The following CSMD1 variants were observed in gnomAD, a reference collection of about 807,000 sequenced individuals.
CSMD1 encodes the protein CUB and sushi domain-containing protein 1.
In CSMD1, 213 loss-of-function variants were observed where a neutral mutation model predicts 417.5. That is an observed-to-expected ratio of 0.51 (90% CI 0.46 to 0.57). The LOEUF (loss-of-function observed/expected upper bound fraction) is 0.57. Ranked by LOEUF, CSMD1 falls within the 20% of genes least tolerant of loss-of-function variation. The pLI, the probability that CSMD1 is intolerant of heterozygous loss-of-function variation, is 0.00. For missense variants in CSMD1, 6,923 were observed against 4,529.7 expected (o/e 1.53, Z -15.17); for synonymous variants, 2,862 against 1,736.8 (o/e 1.65, Z -16.11).
chr8:3,962,394 C>T (rs536147714), intron 5 of CSMD1, among the ~76,000 whole-genome samples: 11 of 152,284 alleles, frequency 7.2e-5, no homozygotes, highest in African/African-American at 1.9e-4. Context: ...GTTGTCACCA[C>T]GCAGTCCTGA....
chr8:4,387,550 G>C (rs1329936062), intron 3 of CSMD1, among the ~76,000 whole-genome samples: 3 of 40,318 alleles, frequency 7.4e-5, no homozygotes, highest in Non-Finnish European at 1.7e-4. Flanking sequence ...ACGCAGAAGA[G>C]ATGCATAAAT....
chr8:4,702,111 A>T (rs1392304308), intron 1 of CSMD1, among the ~76,000 whole-genome samples: 2 of 152,152 alleles, frequency 1.3e-5, no homozygotes, highest in Non-Finnish European at 2.9e-5. Context: ...CCTGTCAGGG[A>T]TGAGGTGGGC....
intron 21 of CSMD1, among the ~76,000 whole-genome samples, chr8:3,350,661 G>A (rs993031053): frequency 2.0e-5 from 3 of 152,044 alleles, no homozygotes; most frequent in South Asian, 2.1e-4. Context: ...ATAGGTCACC[G>A]ATTAATTGCA....
At chr8:3,959,224 G>C (rs930615751) in intron 5 of CSMD1, among the ~76,000 whole-genome samples, 1 of 152,234 alleles carries the variant, frequency 6.6e-6, no homozygotes, top group South Asian at 2.1e-4. Flanking sequence ...TCTAGACAGA[G>C]CAGGGTGGGA....
intron 3 of CSMD1, among the ~76,000 whole-genome samples, chr8:4,395,987 T>G (rs2128926149): frequency 6.6e-6 from 1 of 152,326 alleles, no homozygotes; most frequent in East Asian, 1.9e-4. Flanking sequence ...TTCTGTTACT[T>G]TTAAAAATGG....
chr8:3,978,908 G>T lies in CSMD1; in HGVS notation c.818+18995C>A, dbSNP rs150141358. 7.9e-5 allele frequency among the ~76,000 whole-genome samples: 12 copies of T among 152,282 alleles called. No individual in the cohort carries two copies. The East Asian group carries it at 2.3e-3, about 29-fold the overall frequency. On this transcript the variant is annotated intron_variant, in intron 5 of 69. Transcript: ENST00000635120. ...AATATGGGAACAGTGAGAAGACAAG[G>T]AATTAGCGTCCTAATGTGCATTTCA...
rs140423934 is a variant in CSMD1 at position 3,682,767 on chromosome 8, C to G, written c.1009+25647G>C. ...CGTATGTTTATTGCGGCACTATTCA[C>G]AATAGCAAAGACTTGGATCCAACCT... is the stretch of plus-strand genomic sequence containing the variant. On this transcript the variant is annotated intron_variant, in intron 7 of 69. Coordinates refer to ENST00000635120, the MANE Select transcript of CSMD1 (RefSeq NM_033225.6). Among the ~76,000 whole-genome samples the G allele has an allele frequency of 2.2e-4, 34 of 152,276 alleles. No homozygotes were observed. In the East Asian group the frequency reaches 5.0e-3, roughly 22 times the overall value.
intron 4 of CSMD1, among the ~76,000 whole-genome samples, chr8:4,030,302 A>G (rs918662259): frequency 3.9e-5 from 6 of 152,196 alleles, no homozygotes; most frequent in African/African-American, 1.4e-4. Context: ...CGCCACCCAT[A>G]GCAAACTTCT....
At chr8:3,699,700 C>A (rs1266530890) in intron 7 of CSMD1, among the ~76,000 whole-genome samples, 3 of 152,210 alleles carry the variant, frequency 2.0e-5, no homozygotes, top group Non-Finnish European at 4.4e-5. Flanking sequence ...ACTATAATTT[C>A]CCCTGGAGAA....
At chr8:4,416,578 A>G (rs1438228526) in intron 3 of CSMD1, among the ~76,000 whole-genome samples, 1 of 152,106 alleles carries the variant, frequency 6.6e-6, no homozygotes, top group Non-Finnish European at 1.5e-5. Flanking sequence ...GTTTTTACTA[A>G]TAAGGGCAAC....
At chr8:3,938,465 G>C (rs1810652560) in intron 5 of CSMD1, among the ~76,000 whole-genome samples, 1 of 152,178 alleles carries the variant, frequency 6.6e-6, no homozygotes. Context: ...CTGTGGTGGG[G>C]ATAAGTAAAT....
At chr8:3,310,941 G>C (rs927442633) in intron 23 of CSMD1, among the ~76,000 whole-genome samples, 2 of 152,196 alleles carry the variant, frequency 1.3e-5, no homozygotes, top group Admixed American at 6.5e-5. Flanking sequence ...TCTAAACTGA[G>C]CTTTGAAACA....
chr8:3,812,107 T>C (rs1483300253), intron 5 of CSMD1, among the ~76,000 whole-genome samples: 1 of 152,176 alleles, frequency 6.6e-6, no homozygotes. Context: ...TACACAATAA[T>C]TTCCTTAAAC....
intron 4 of CSMD1, among the ~76,000 whole-genome samples, chr8:4,002,446 A>C (rs1479747162): frequency 2.0e-5 from 3 of 152,236 alleles, no homozygotes; most frequent in Non-Finnish European, 4.4e-5. Context: ...TTTTAAAAAT[A>C]AATCAGTTTG....
intron 4 of CSMD1, among the ~76,000 whole-genome samples, chr8:4,018,263 T>C (rs1160008101): frequency 6.6e-6 from 1 of 152,250 alleles, no homozygotes; most frequent in East Asian, 1.9e-4. Context: ...TTTGGTATTA[T>C]GGTGTTTGAG....
At chr8:4,222,271 A>G (rs1219254912) in intron 3 of CSMD1, among the ~76,000 whole-genome samples, 3 of 152,082 alleles carry the variant, frequency 2.0e-5, no homozygotes, top group African/African-American at 7.2e-5. Flanking sequence ...CCCAGTTATG[A>G]TTTTCCCAGG....
intron 3 of CSMD1, among the ~76,000 whole-genome samples, chr8:4,308,395 T>C (rs1798368636): frequency 6.6e-6 from 1 of 151,470 alleles, no homozygotes; most frequent in African/African-American, 2.4e-5. Flanking sequence ...TGTGGTGTAT[T>C]CGTGCATGTG....
chr8:3,636,781 C>T (rs554415973), intron 7 of CSMD1, among the ~76,000 whole-genome samples: 2 of 152,146 alleles, frequency 1.3e-5, no homozygotes, highest in African/African-American at 4.8e-5. Flanking sequence ...CCTGACACTT[C>T]CACACTTTGA....
chr8:3,287,389 G>T (rs916327991), intron 25 of CSMD1, among the ~76,000 whole-genome samples: 1 of 151,990 alleles, frequency 6.6e-6, no homozygotes, highest in Non-Finnish European at 1.5e-5. Flanking sequence ...AAATTACCTT[G>T]GGCAGTATGG....
Sources: allele counts gnomAD v4.1 joint callset (sites outside exome capture counted in the v4.1 genomes callset), GRCh38; gene constraint gnomAD v4.1.1; transcripts MANE v1.5; gene names NCBI Gene and HGNC (gene_info 2026-07-23, HGNC 2026-07-21).